The following IFT56 variants were observed in gnomAD, a reference collection of about 807,000 sequenced individuals.
IFT56 encodes the protein intraflagellar transport 56, also known as intraflagellar transport protein 56.
the IFT56 span, among the ~76,000 whole-genome samples, chr7:139,159,647 C>T: frequency 2.5e-3 from 387 of 152,186 alleles, no homozygotes; most frequent in Non-Finnish European, 4.7e-3. Context: ...TGTGACAATC[C>T]ATCTATCCTC....
the IFT56 span, chr7:139,169,166 G>T: frequency 2.4e-6 from 2 of 830,796 alleles, no homozygotes; most frequent in Non-Finnish European, 3.7e-6. Context: ...AATTAGTATT[G>T]TTTGGGGCAA....
the IFT56 span, among the ~76,000 whole-genome samples, chr7:139,185,428 A>T: frequency 1.3e-5 from 2 of 152,064 alleles, no homozygotes; most frequent in Non-Finnish European, 1.5e-5. Context: ...TGGATCTATA[A>T]TTATTAATAC....
the IFT56 span, chr7:139,140,107 T>A: frequency 3.6e-5 from 24 of 672,464 alleles, no homozygotes; most frequent in South Asian, 7.4e-5. Flanking sequence ...AAAAAAAAAA[T>A]TGATATTAGA....
chr7:139,144,781 C>T, the IFT56 span, among the ~76,000 whole-genome samples: 1 of 151,944 alleles, frequency 6.6e-6, no homozygotes, highest in Non-Finnish European at 1.5e-5. Flanking sequence ...TTAGAATTTA[C>T]ATTTTATTAC....
At chr7:139,175,546 TA>T in the IFT56 span, among the ~76,000 whole-genome samples, 2 of 152,128 alleles carry the variant, frequency 1.3e-5, no homozygotes, top group South Asian at 4.1e-4. Flanking sequence ...TGTTCAGCCA[TA>T]AAAAGGATGA....
At chr7:139,165,393 C>CT in the IFT56 span, among the ~76,000 whole-genome samples, 1 of 152,088 alleles carries the variant, frequency 6.6e-6, no homozygotes, top group African/African-American at 2.4e-5. Context: ...TTTGTTGTGC[C>CT]TTTTTTTATC....
At chr7:139,147,180 A>C in the IFT56 span, 1 of 1,613,410 alleles carries the variant, frequency 6.2e-7, no homozygotes, top group African/African-American at 1.3e-5. Flanking sequence ...GCTTTCATCA[A>C]AATCTTCAGG....
chr7:139,173,056 T>C, the IFT56 span: 1 of 734,378 alleles, frequency 1.4e-6, no homozygotes, highest in Non-Finnish European at 2.5e-6. Flanking sequence ...TGCTTCCAAC[T>C]CAGCTTTGCG....
At chr7:139,145,893 C>G in the IFT56 span, among the ~76,000 whole-genome samples, 4 of 152,126 alleles carry the variant, frequency 2.6e-5, no homozygotes, top group Non-Finnish European at 5.9e-5. Context: ...CATCATAGTA[C>G]TTTTAGAAAA....
At chr7:139,158,104 A>G in the IFT56 span, among the ~76,000 whole-genome samples, 1 of 152,102 alleles carries the variant, frequency 6.6e-6, no homozygotes, top group South Asian at 2.1e-4. Flanking sequence ...ACTTGAGGTC[A>G]GGAGTTCCAC....
the IFT56 span, chr7:139,140,070 C>T: frequency 9.1e-7 from 1 of 1,093,832 alleles, no homozygotes; most frequent in Non-Finnish European, 1.3e-6. Flanking sequence ...GATTTTAAAA[C>T]TTAATTGTAT....
the IFT56 span, chr7:139,173,753 C>T: frequency 2.6e-6 from 2 of 764,526 alleles, no homozygotes; most frequent in Middle Eastern, 4.6e-4. Flanking sequence ...CTTCCAAAAT[C>T]ATTATGATGT....
At chr7:139,169,197 T>A in the IFT56 span, 1 of 1,152,196 alleles carries the variant, frequency 8.7e-7, no homozygotes. Context: ...AAAGGTATAT[T>A]TAAATCCTGA....
the IFT56 span, chr7:139,169,181 T>A: frequency 1.0e-6 from 1 of 991,098 alleles, no homozygotes; most frequent in Middle Eastern, 3.1e-4. Context: ...GGGCAAGATT[T>A]AAAACAAAGG....
the IFT56 span, among the ~76,000 whole-genome samples, chr7:139,186,941 A>G: frequency 6.7e-6 from 1 of 148,504 alleles, no homozygotes; most frequent in East Asian, 2.0e-4. Flanking sequence ...AAAAATACAA[A>G]AAATTAGCCG....
At chr7:139,185,475 A>C in the IFT56 span, among the ~76,000 whole-genome samples, 1 of 152,052 alleles carries the variant, frequency 6.6e-6, no homozygotes, top group Non-Finnish European at 1.5e-5. Flanking sequence ...AATCAACTAG[A>C]GCTATATACA....
At chr7:139,187,864 GT>G in the IFT56 span, among the ~76,000 whole-genome samples, 92 of 140,088 alleles carry the variant, frequency 6.6e-4, no homozygotes, top group Non-Finnish European at 6.8e-4. Context: ...TAGGCAAAGT[GT>G]TTTTTTTTTT....
the IFT56 span, chr7:139,189,598 G>T: frequency 1.8e-6 from 1 of 562,302 alleles, no homozygotes; most frequent in Non-Finnish European, 3.2e-6. Context: ...TAGTCTCCTG[G>T]CTGAACAGAG....
chr7:139,174,182 A>G, the IFT56 span: 1 of 593,676 alleles, frequency 1.7e-6, no homozygotes. Context: ...CACTTATCCC[A>G]GCTTCTGTTC....
Sources: gnomAD v4.1 joint callset for allele counts (sites outside exome capture counted in the v4.1 genomes callset) on GRCh38, gnomAD v4.1.1 for gene constraint, MANE v1.5 for transcripts, NCBI Gene and HGNC (gene_info 2026-07-23, HGNC 2026-07-21) for gene names.